The following PSD3 variants were observed in gnomAD, a reference collection of about 807,000 sequenced individuals.
The protein encoded by PSD3 is pleckstrin and Sec7 domain containing 3.
Under a neutral mutation model 105.5 loss-of-function variants are expected in PSD3, and 49 were observed. The observed-to-expected ratio is 0.46, with a 90% confidence interval of 0.37 to 0.59. PSD3 has a LOEUF of 0.59. Among genes scored for constraint, PSD3 ranks in the 20% least tolerant of loss-of-function variants. The probability of loss-of-function intolerance (pLI) is 0.00; values close to 1 mark genes in which losing one functional copy is unlikely to be tolerated. For synonymous variants in PSD3, 557 were observed against 457.8 expected (o/e 1.22, Z -2.77); for missense variants, 1,561 against 1,263.8 (o/e 1.24, Z -3.57).
At chr8:19,082,806 A>G (rs1372265536) in intron 1 of PSD3, among the ~76,000 whole-genome samples, 1 of 152,208 alleles carries the variant, frequency 6.6e-6, no homozygotes, top group Non-Finnish European at 1.5e-5. Context: ...GGAGTATGTC[A>G]TTCCTCCTAA....
chr8:18,917,285 C>G (rs1458450965), intron 2 of PSD3, among the ~76,000 whole-genome samples: 1 of 152,156 alleles, frequency 6.6e-6, no homozygotes, highest in Non-Finnish European at 1.5e-5. Context: ...CCCCACTATC[C>G]ATTTCTCCTC....
intron 2 of PSD3, among the ~76,000 whole-genome samples, chr8:18,894,129 C>T (rs184122723): frequency 6.6e-6 from 1 of 152,270 alleles, no homozygotes; most frequent in South Asian, 2.1e-4. Flanking sequence ...TGGGAACCAG[C>T]CTTTGCTACA....
intron 1 of PSD3, among the ~76,000 whole-genome samples, chr8:18,997,505 G>C (rs190545196): frequency 6.6e-6 from 1 of 151,936 alleles, no homozygotes; most frequent in East Asian, 1.9e-4. Flanking sequence ...CTATTCTCAT[G>C]AGACACAGCA....
intron 9 of PSD3, among the ~76,000 whole-genome samples, chr8:18,728,433 A>C (rs553208856): frequency 1.3e-5 from 2 of 152,350 alleles, no homozygotes; most frequent in South Asian, 4.1e-4. Context: ...TCTCAGAGGA[A>C]GGGACAGCTA....
intron 15 of PSD3, among the ~76,000 whole-genome samples, chr8:18,542,355 A>G (rs1800199609): frequency 1.3e-5 from 2 of 152,226 alleles, no homozygotes; most frequent in African/African-American, 2.4e-5. Context: ...CTTTGGATAC[A>G]TAATTCCATA....
intron 11 of PSD3, among the ~76,000 whole-genome samples, chr8:18,623,443 C>G (rs1307591300): frequency 3.5e-5 from 3 of 86,862 alleles, no homozygotes; most frequent in African/African-American, 1.5e-4. Flanking sequence ...CAGCCCCCGT[C>G]TCCCCAAAAA....
At chr8:18,907,342 T>G (rs1233386295) in intron 2 of PSD3, among the ~76,000 whole-genome samples, 1 of 152,162 alleles carries the variant, frequency 6.6e-6, no homozygotes, top group African/African-American at 2.4e-5. Flanking sequence ...TTCATTTTAT[T>G]TATTTTATTT....
At chr8:18,537,354 G>A (rs1799900878) in intron 15 of PSD3, among the ~76,000 whole-genome samples, 1 of 152,048 alleles carries the variant, frequency 6.6e-6, no homozygotes, top group African/African-American at 2.4e-5. Context: ...CAAAACCCAC[G>A]GCTCTTAAGC....
At chr8:19,083,293 A>C (rs1159738361) in intron 1 of PSD3, among the ~76,000 whole-genome samples, 2 of 152,212 alleles carry the variant, frequency 1.3e-5, no homozygotes, top group Non-Finnish European at 2.9e-5. Context: ...ACCCAATTTG[A>C]GAACAGTGCA....
chr8:18,570,733 C>A (rs1182488769), intron 14 of PSD3, among the ~76,000 whole-genome samples: 1 of 151,790 alleles, frequency 6.6e-6, no homozygotes. Context: ...TGCTCATCAT[C>A]ACTGGCCATC....
chr8:19,011,531 T>C (rs746046755), intron 1 of PSD3, among the ~76,000 whole-genome samples: 8 of 152,212 alleles, frequency 5.3e-5, no homozygotes, highest in Non-Finnish European at 7.3e-5. Context: ...GCTACTTCCA[T>C]CTTACTTTAT....
intron 4 of PSD3, among the ~76,000 whole-genome samples, chr8:18,844,978 A>T (rs1490051887): frequency 6.6e-6 from 1 of 152,244 alleles, no homozygotes; most frequent in Non-Finnish European, 1.5e-5. Context: ...CTGGGAATGT[A>T]CAGCCATGGA....
At chr8:18,819,913 T>C (rs1812551529) in intron 4 of PSD3, among the ~76,000 whole-genome samples, 3 of 152,236 alleles carry the variant, frequency 2.0e-5, no homozygotes, top group Non-Finnish European at 1.5e-5. Flanking sequence ...GTGTGAACCC[T>C]GGCAGCCAGG....
At chr8:19,034,673 G>A (rs930715537) in intron 1 of PSD3, among the ~76,000 whole-genome samples, 1 of 152,186 alleles carries the variant, frequency 6.6e-6, no homozygotes. Context: ...TGGTTAGGTA[G>A]CCAGACTTGC....
intron 9 of PSD3, among the ~76,000 whole-genome samples, chr8:18,744,425 C>T (rs939896104): frequency 1.3e-5 from 2 of 152,144 alleles, no homozygotes; most frequent in South Asian, 2.1e-4. Context: ...CATAACTCTA[C>T]GTGGTCTTTT....
intron 12 of PSD3, among the ~76,000 whole-genome samples, chr8:18,587,508 T>C (rs1397514022): frequency 1.3e-5 from 2 of 152,180 alleles, no homozygotes; most frequent in Non-Finnish European, 2.9e-5. Context: ...TCTTTGAATA[T>C]GCCATATTCT....
At chr8:18,696,915 T>G (rs1176012808) in intron 9 of PSD3, among the ~76,000 whole-genome samples, 1 of 152,128 alleles carries the variant, frequency 6.6e-6, no homozygotes, top group Non-Finnish European at 1.5e-5. Flanking sequence ...TAACGATGCA[T>G]CTTGTTTGCC....
chr8:18,608,083 G>T (rs920531258), intron 11 of PSD3, among the ~76,000 whole-genome samples: 5 of 152,176 alleles, frequency 3.3e-5, no homozygotes, highest in Middle Eastern at 3.2e-3. Flanking sequence ...CACCAGGCAT[G>T]CTGATGCATG....
chr8:18,952,574 TG>T (rs1210575176), intron 1 of PSD3, among the ~76,000 whole-genome samples: 2 of 152,232 alleles, frequency 1.3e-5, no homozygotes, highest in African/African-American at 4.8e-5. Context: ...TGTGAGAGAC[TG>T]ATAACAAATC....
Sources: gnomAD v4.1 joint callset for allele counts (sites outside exome capture counted in the v4.1 genomes callset) on GRCh38, gnomAD v4.1.1 for gene constraint, MANE v1.5 for transcripts, NCBI Gene and HGNC (gene_info 2026-07-23, HGNC 2026-07-21) for gene names.